The following KAZN variants were observed in gnomAD, a reference collection of about 807,000 sequenced individuals.
KAZN encodes the protein kazrin.
A neutral mutation model predicts 87.4 loss-of-function variants in KAZN; 40 were observed. The observed-to-expected ratio is 0.46, with a 90% CI of 0.36 to 0.60. The LOEUF is 0.60. Among genes scored for constraint, KAZN ranks in the 20% least tolerant of loss-of-function variants. The pLI is 0.00. For synonymous variants in KAZN, 466 were observed against 458.3 expected, an observed-to-expected ratio of 1.02 and a Z score of -0.22; for missense variants, 898 against 1,073.9, an observed-to-expected ratio of 0.84 and a Z score of 2.29.
At chr1:14,476,593 C>T (rs1245163767) in intron 2 of KAZN, among the ~76,000 whole-genome samples, 1 of 152,178 alleles carries the variant, frequency 6.6e-6, no homozygotes, top group Non-Finnish European at 1.5e-5. Flanking sequence ...ATAACAATTA[C>T]TGATAATGAT....
At chr1:15,025,484 G>C (rs141882915) in intron 2 of KAZN, among the ~76,000 whole-genome samples, 59 of 152,372 alleles carry the variant, frequency 3.9e-4, no homozygotes, top group African/African-American at 1.3e-3. Context: ...GTCAGGGGCA[G>C]AGCTGGCAAA....
At chr1:13,918,248 A>G (rs1639934078) in intron 1 of KAZN, among the ~76,000 whole-genome samples, 1 of 152,244 alleles carries the variant, frequency 6.6e-6, no homozygotes, top group Non-Finnish European at 1.5e-5. Context: ...ATGATTTATG[A>G]GAAAAATCAA....
At chr1:14,701,819 G>A (rs553808161) in intron 1 of KAZN, among the ~76,000 whole-genome samples, 9 of 152,216 alleles carry the variant, frequency 5.9e-5, no homozygotes, top group Admixed American at 4.6e-4. Flanking sequence ...CAAAGCCACA[G>A]GAAGAAGGTG....
Position 14,923,718 on chromosome 1 carries a change from GAA to G in KAZN, c.227-36964_227-36963del, listed in dbSNP as rs1483305016. On this transcript the variant is annotated intron_variant, in intron 1 of 14. Transcript: ENST00000376030. This position sits in a 1 kb window ranked among gnomAD's most constrained non-coding sequence, Gnocchi z 4.2. ...CGGTCACACGCAAAGATGAGCGAAG[GAA>G]AGGTCCCGGGGCTGCTCCCCTGCCC... 1.3e-5 allele frequency among the ~76,000 whole-genome samples: 2 copies of G among 152,160 alleles called. No individual in the cohort carries two copies. The highest frequency in any genetic ancestry group is 2.9e-5 in the Non-Finnish European group (2 of 68,022).
chr1:13,980,822 A>C (rs1198382380), intron 1 of KAZN, among the ~76,000 whole-genome samples: 1 of 151,952 alleles, frequency 6.6e-6, no homozygotes, highest in Non-Finnish European at 1.5e-5. Flanking sequence ...GCCTGGGCTG[A>C]GATGACTCAA....
chr1:15,041,537 A>G (rs1249420103), intron 3 of KAZN, among the ~76,000 whole-genome samples: 1 of 151,578 alleles, frequency 6.6e-6, no homozygotes. Flanking sequence ...GGGCTTCTCC[A>G]TGTTGGTCAG....
chr1:14,638,595 A>AAAAAAAAAACAG, intron 1 of KAZN, among the ~76,000 whole-genome samples: 1 of 151,898 alleles, frequency 6.6e-6, no homozygotes, highest in African/African-American at 2.4e-5. Context: ...AAAAAAAACA[A>AAAAAAAAAACAG]AAAGGGTTGT....
At chr1:14,204,771 G>T (rs1008609087) in intron 2 of KAZN, among the ~76,000 whole-genome samples, 3 of 152,180 alleles carry the variant, frequency 2.0e-5, no homozygotes, top group African/African-American at 7.2e-5. Flanking sequence ...CAAAGTTATG[G>T]CATATTTCAG....
At chr1:14,635,458 G>A (rs1679894254) in intron 1 of KAZN, among the ~76,000 whole-genome samples, 1 of 152,228 alleles carries the variant, frequency 6.6e-6, no homozygotes, top group African/African-American at 2.4e-5. Flanking sequence ...GGTGCAGGGA[G>A]GTCCCTGTCC....
At position 14,183,009 on chromosome 1, in the gene KAZN, C is replaced by T. The variant is rs916055044; in HGVS notation, c.249+2417C>T. 9.2e-5 allele frequency among the ~76,000 whole-genome samples: 14 copies of T among 152,252 alleles called. 1 individual carries two copies. Among genetic ancestry groups the T allele is most frequent in the Middle Eastern group, 3.4e-3 (1 of 294 alleles). On this transcript the variant is annotated intron_variant, in intron 2 of 16. Transcript: ENST00000636203. ...CCCTCTCAGTTCCATACCCACAGGGCCCTTAATAGTATTAGATGATGATGA... is the reference window on the plus strand; with the variant it reads ...CCCTCTCAGTTCCATACCCACAGGGTCCTTAATAGTATTAGATGATGATGA...
chr1:14,681,194 C>A (rs1162001870), intron 1 of KAZN, among the ~76,000 whole-genome samples: 1 of 152,184 alleles, frequency 6.6e-6, no homozygotes, highest in African/African-American at 2.4e-5. Context: ...GGGGTTACAT[C>A]GCAACATGAG....
At chr1:14,921,322 G>A (rs889481894) in intron 1 of KAZN, among the ~76,000 whole-genome samples, 4 of 152,264 alleles carry the variant, frequency 2.6e-5, no homozygotes, top group African/African-American at 9.6e-5. Flanking sequence ...GGTTGCAGAG[G>A]GACCAGTGAC....
chr1:14,850,092 C>T (rs966507484), intron 1 of KAZN, among the ~76,000 whole-genome samples: 2 of 152,032 alleles, frequency 1.3e-5, no homozygotes, highest in East Asian at 3.9e-4. Flanking sequence ...TACGCCACCA[C>T]ACCCAGCTAA....
rs1640943028 is a variant in KAZN at position 14,023,652 on chromosome 1, G to C, written c.91+129896G>C. Among the ~76,000 whole-genome samples, 5 of 152,132 alleles carry C rather than the reference G, an allele frequency of 3.3e-5. No individual in the cohort carries two copies. The South Asian group carries it at 1.0e-3, about 32-fold the overall frequency. ...GGAGAGGAAGAAGGAAGAAATGCCA[G>C]TAAAAGGAAAATCAAGGAACGGTAA... On this transcript the variant is annotated intron_variant, in intron 1 of 16. Coordinates refer to the KAZN transcript ENST00000636203.
chr1:14,371,409 C>A (rs757993882), intron 2 of KAZN, among the ~76,000 whole-genome samples: 9 of 152,156 alleles, frequency 5.9e-5, no homozygotes, highest in Non-Finnish European at 1.3e-4. Flanking sequence ...GGGATCAAGG[C>A]TAAGCCCACC....
In KAZN at chr1:14,649,640, G is replaced by A. The variant is rs149877383; in HGVS notation, c.226+50417G>A. Among the ~76,000 whole-genome samples the A allele has an allele frequency of 5.4e-3, 823 of 152,258 alleles. 9 individuals are homozygous for A. Among genetic ancestry groups the A allele is most frequent in the African/African-American group, 0.019 (770 of 41,542 alleles). On this transcript the variant is annotated intron_variant, in intron 1 of 14. Coordinates refer to ENST00000376030, the MANE Select transcript of KAZN (RefSeq NM_201628.3). ...TTTAAGCAGTATCTGCTTTGAAACA[G>A]ACCAAATGTCAAGGCGACCAACAAA...
At chr1:14,588,992 A>T (rs923647174) in intron 2 of KAZN, among the ~76,000 whole-genome samples, 1 of 152,162 alleles carries the variant, frequency 6.6e-6, no homozygotes, top group African/African-American at 2.4e-5. Context: ...ATGGGCACGG[A>T]TGCAGAACAC....
intron 1 of KAZN, among the ~76,000 whole-genome samples, chr1:14,164,626 C>T (rs144369812): frequency 0.028 from 4,287 of 150,506 alleles, 204 homozygotes; most frequent in African/African-American, 0.099. Context: ...CCACAACCTC[C>T]GCTCCCTGGG....
chr1:14,492,725 A>ATGC (rs1669731263), intron 2 of KAZN, among the ~76,000 whole-genome samples: 1 of 145,114 alleles, frequency 6.9e-6, no homozygotes, highest in Non-Finnish European at 1.5e-5. Context: ...CACACCACAC[A>ATGC]CACCACATAC....
Sources: gnomAD v4.1 joint callset for allele counts (sites outside exome capture counted in the v4.1 genomes callset) on GRCh38, gnomAD v4.1.1 for gene constraint, Gnocchi (gnomAD v3.1) non-coding constraint, MANE v1.5 for transcripts, NCBI Gene and HGNC (gene_info 2026-07-23, HGNC 2026-07-21) for gene names.